Variants in SGCD observed in about 807,000 individuals in gnomAD.
SGCD encodes the protein sarcoglycan delta.
A neutral mutation model predicts 36.6 loss-of-function variants in SGCD; 18 were observed. The observed-to-expected ratio is 0.49, with a 90% confidence interval of 0.34 to 0.73. The LOEUF (loss-of-function observed/expected upper bound fraction) is 0.73, where lower values mean the gene tolerates loss of function less well. SGCD is among the 30% of genes least tolerant of loss of function. The pLI is 0.01. For missense variants in SGCD, 387 were observed against 346.7 expected, an observed-to-expected ratio of 1.12 and a Z score of -0.92; for synonymous variants, 133 against 130.6, an observed-to-expected ratio of 1.02 and a Z score of -0.12.
chr5:155,936,341 C>T (rs982502606), intron 1 of SGCD, among the ~76,000 whole-genome samples: 18 of 152,270 alleles, frequency 1.2e-4, no homozygotes, highest in African/African-American at 4.3e-4. Flanking sequence ...AGTGATAGAA[C>T]AGCTCAGGGG....
chr5:156,116,813 A>T (rs1019592400), intron 1 of SGCD, among the ~76,000 whole-genome samples: 6 of 152,190 alleles, frequency 3.9e-5, no homozygotes, highest in African/African-American at 1.4e-4. Flanking sequence ...ATACAAGCTG[A>T]ACAGTGCTGG....
chr5:155,812,515 G>A, the SGCD span, among the ~76,000 whole-genome samples: 5 of 152,274 alleles, frequency 3.3e-5, no homozygotes, highest in Middle Eastern at 3.4e-3. Flanking sequence ...CCTACACTTA[G>A]TTTCTTCAAG....
chr5:156,585,873 T>G (rs1035227952), intron 4 of SGCD, among the ~76,000 whole-genome samples: 9 of 152,116 alleles, frequency 5.9e-5, no homozygotes, highest in Admixed American at 5.9e-4. Context: ...ATAAAAAAAC[T>G]TTGTATTTTA....
chr5:156,127,192 C>A (rs1554078766), intron 3 of SGCD, among the ~76,000 whole-genome samples: 1 of 151,834 alleles, frequency 6.6e-6, no homozygotes, highest in Non-Finnish European at 1.5e-5. Flanking sequence ...AAAAGTTTTT[C>A]AAAAAATCAT....
At chr5:156,621,233 C>T (rs1249984313) in intron 6 of SGCD, among the ~76,000 whole-genome samples, 2 of 152,146 alleles carry the variant, frequency 1.3e-5, no homozygotes, top group Non-Finnish European at 1.5e-5. Flanking sequence ...ACTCTGTTGC[C>T]CAGGCTGGAG....
intron 1 of SGCD, among the ~76,000 whole-genome samples, chr5:156,058,201 T>C (rs1189829556): frequency 6.8e-6 from 1 of 146,104 alleles, no homozygotes; most frequent in South Asian, 2.1e-4. Flanking sequence ...TAATTACCAA[T>C]TTATATTAAA....
At chr5:155,907,427 G>A (rs561069744) in intron 1 of SGCD, among the ~76,000 whole-genome samples, 11 of 152,214 alleles carry the variant, frequency 7.2e-5, no homozygotes, top group African/African-American at 2.6e-4. Context: ...GCCATAGATG[G>A]TGACTTCTCT....
chr5:156,048,343 T>C (rs1004327929), intron 1 of SGCD, among the ~76,000 whole-genome samples: 4 of 152,178 alleles, frequency 2.6e-5, no homozygotes, highest in African/African-American at 9.7e-5. Flanking sequence ...TACCCAGTAA[T>C]GAGATGGCTG....
intron 3 of SGCD, among the ~76,000 whole-genome samples, chr5:156,242,258 A>C (rs532683938): frequency 6.6e-6 from 1 of 152,304 alleles, no homozygotes; most frequent in Admixed American, 6.5e-5. Flanking sequence ...GTCAGTCTCA[A>C]AGGGATAACA....
chr5:156,423,158 A>ATTATAATATAATAT (rs1773403363), intron 3 of SGCD, among the ~76,000 whole-genome samples: 4 of 23,086 alleles, frequency 1.7e-4, no homozygotes, highest in African/African-American at 6.0e-4. Context: ...TTAATTATTT[A>ATTATAATATAATAT]AATATTATAT....
chr5:155,743,834 G>C, the SGCD span, among the ~76,000 whole-genome samples: 5 of 152,300 alleles, frequency 3.3e-5, no homozygotes, highest in African/African-American at 9.6e-5. Context: ...CCCATATATT[G>C]CTGCGTCTAA....
At chr5:155,782,032 T>C in the SGCD span, among the ~76,000 whole-genome samples, 7 of 147,504 alleles carry the variant, frequency 4.7e-5, no homozygotes, top group Admixed American at 1.3e-4. Context: ...TTTTCTTTTT[T>C]TTTTTTTTTT....
the SGCD span, among the ~76,000 whole-genome samples, chr5:155,835,085 G>A: frequency 5.2e-5 from 7 of 134,392 alleles, no homozygotes; most frequent in South Asian, 7.3e-4. Flanking sequence ...TCGGCTCAAC[G>A]CAATCTCCGC....
intron 1 of SGCD, among the ~76,000 whole-genome samples, chr5:155,899,887 A>G (rs905833661): frequency 6.6e-6 from 1 of 152,240 alleles, no homozygotes; most frequent in African/African-American, 2.4e-5. Context: ...TTACCTAATT[A>G]TTAAATCAGG....
intron 1 of SGCD, among the ~76,000 whole-genome samples, chr5:156,054,325 G>A (rs1017083971): frequency 7.6e-6 from 1 of 132,078 alleles, no homozygotes; most frequent in East Asian, 2.0e-4. Context: ...TCGCTCTGTG[G>A]CCCAGGCTGG....
At chr5:156,487,357 C>T (rs2127845464) in intron 3 of SGCD, among the ~76,000 whole-genome samples, 1 of 152,312 alleles carries the variant, frequency 6.6e-6, no homozygotes, top group South Asian at 2.1e-4. Context: ...AGGAAAAAAT[C>T]TTTCCCTATG....
chr5:155,745,300 TATG>T, the SGCD span, among the ~76,000 whole-genome samples: 1 of 152,190 alleles, frequency 6.6e-6, no homozygotes, highest in Non-Finnish European at 1.5e-5. Flanking sequence ...GTCCATATAA[TATG>T]ATATTATGAT....
At chr5:155,863,980 A>G in the SGCD span, among the ~76,000 whole-genome samples, 1 of 152,182 alleles carries the variant, frequency 6.6e-6, no homozygotes, top group Non-Finnish European at 1.5e-5. Context: ...TACATTAGAT[A>G]GTGGTAACTG....
chr5:155,915,765 T>G (rs1334626325), intron 1 of SGCD, among the ~76,000 whole-genome samples: 2 of 152,166 alleles, frequency 1.3e-5, no homozygotes, highest in Non-Finnish European at 2.9e-5. Context: ...TTCAAAAATT[T>G]TACAGCAGAA....
Sources: gnomAD v4.1 joint callset for allele counts (sites outside exome capture counted in the v4.1 genomes callset) on GRCh38, gnomAD v4.1.1 for gene constraint, MANE v1.5 for transcripts, NCBI Gene and HGNC (gene_info 2026-07-23, HGNC 2026-07-21) for gene names.